The following RANBP2 variants were observed in gnomAD, a reference collection of about 807,000 sequenced individuals.
The protein encoded by RANBP2 is RAN binding protein 2, also known as E3 SUMO-protein ligase RanBP2.
In RANBP2, 57 loss-of-function variants were observed where a neutral mutation model predicts 303.6. That is an observed-to-expected ratio of 0.19 (90% confidence interval 0.15 to 0.23). RANBP2 has a LOEUF of 0.23. RANBP2 is among the 10% of genes least tolerant of loss of function. The probability of loss-of-function intolerance (pLI) is 1.00; values close to 1 mark genes in which losing one functional copy is unlikely to be tolerated. For missense variants in RANBP2, 3,138 were observed against 3,780.8 expected, an observed-to-expected ratio of 0.83 and a Z score of 4.46; for synonymous variants, 1,167 against 1,301.5, an observed-to-expected ratio of 0.90 and a Z score of 2.23.
intron 4 of RANBP2, among the ~76,000 whole-genome samples, chr2:108,733,058 A>G (rs1372511353): frequency 1.3e-5 from 2 of 152,070 alleles, no homozygotes; most frequent in Non-Finnish European, 2.9e-5. Context: ...TCCTGACCTC[A>G]TGTGATCTGC....
At chr2:109,613,853 C>T in the RANBP2 span, 2 of 1,235,254 alleles carry the variant, frequency 1.6e-6, no homozygotes, top group Non-Finnish European at 2.0e-6. Flanking sequence ...CACGGTGAAG[C>T]GGCTGTATCA....
intron 25 of RANBP2, among the ~76,000 whole-genome samples, chr2:108,780,175 C>G (rs940181867): frequency 2.2e-4 from 31 of 140,514 alleles, no homozygotes; most frequent in African/African-American, 7.7e-4. Context: ...AATTTACTAG[C>G]TTTTTTTTTT....
At chr2:109,711,162 G>T in the RANBP2 span, among the ~76,000 whole-genome samples, 3 of 152,088 alleles carry the variant, frequency 2.0e-5, no homozygotes, top group Non-Finnish European at 4.4e-5. Flanking sequence ...ACATGGCCAA[G>T]TGAGAACTTC....
At chr2:109,173,220 T>C in the RANBP2 span, among the ~76,000 whole-genome samples, 1 of 152,202 alleles carries the variant, frequency 6.6e-6, no homozygotes, top group African/African-American at 2.4e-5. Flanking sequence ...TAGAATTCTG[T>C]AATTATCAAG....
At chr2:109,579,825 A>G in the RANBP2 span, among the ~76,000 whole-genome samples, 1 of 152,092 alleles carries the variant, frequency 6.6e-6, no homozygotes, top group African/African-American at 2.4e-5. Flanking sequence ...TTTAAAATAA[A>G]TAAATAAATA....
the RANBP2 span, among the ~76,000 whole-genome samples, chr2:109,105,150 A>C: frequency 3.9e-5 from 6 of 152,184 alleles, no homozygotes; most frequent in African/African-American, 1.4e-4. Flanking sequence ...GATAGAAAAC[A>C]CCTGAAGCTG....
the RANBP2 span, among the ~76,000 whole-genome samples, chr2:109,649,505 C>T: frequency 6.6e-6 from 1 of 152,050 alleles, no homozygotes; most frequent in East Asian, 1.9e-4. Flanking sequence ...TCAAGCGATT[C>T]TCCTGCCTCA....
the RANBP2 span, among the ~76,000 whole-genome samples, chr2:109,692,710 C>T: frequency 4.6e-5 from 7 of 152,204 alleles, no homozygotes; most frequent in Non-Finnish European, 2.9e-5. Context: ...AGCTAAGTGG[C>T]TGCCTGCATA....
At chr2:109,434,686 A>G in the RANBP2 span, among the ~76,000 whole-genome samples, 1 of 152,188 alleles carries the variant, frequency 6.6e-6, no homozygotes, top group African/African-American at 2.4e-5. Context: ...GTCGGGATGG[A>G]CAGCTCTGCC....
At chr2:109,610,169 A>C in the RANBP2 span, among the ~76,000 whole-genome samples, 4 of 151,552 alleles carry the variant, frequency 2.6e-5, no homozygotes, top group African/African-American at 9.7e-5. Context: ...GCTTACTGCA[A>C]CCTCCACCTC....
At chr2:109,565,790 G>A in the RANBP2 span, 54 of 1,613,900 alleles carry the variant, frequency 3.3e-5, no homozygotes, top group South Asian at 9.9e-5. Context: ...GGGTACTGGC[G>A]AGCTTTGACC....
the RANBP2 span, among the ~76,000 whole-genome samples, chr2:109,378,173 C>T: frequency 1.6e-4 from 24 of 152,232 alleles, no homozygotes; most frequent in Non-Finnish European, 2.9e-4. Flanking sequence ...CTCCGCAGCA[C>T]CTCCAGACCT....
At chr2:109,432,587 G>C in the RANBP2 span, 1 of 1,613,634 alleles carries the variant, frequency 6.2e-7, no homozygotes, top group Non-Finnish European at 8.5e-7. Flanking sequence ...CTCGAGAAGT[G>C]TCAGGATGGC....
chr2:109,396,852 C>T, the RANBP2 span, among the ~76,000 whole-genome samples: 10 of 152,226 alleles, frequency 6.6e-5, no homozygotes, highest in East Asian at 1.9e-4. Context: ...ACTTCCATAG[C>T]GGCTCACATG....
chr2:108,763,578 A>T lies in RANBP2; in HGVS notation c.3039A>T (p.Glu1013Asp), dbSNP rs200609063. ...KTNFVQPMPG[E>D]GLRPSLPTQA... ...ATTTTGTTCAGCCCATGCCGGGTGAAGGATTAAGGCCATCTTTGCCAACAC... is the reference window on the plus strand; with the variant it reads ...ATTTTGTTCAGCCCATGCCGGGTGATGGATTAAGGCCATCTTTGCCAACAC... Residue 1013 changes from glutamate (E) to aspartate (D), a missense_variant, in exon 20 of 29, where the codon GAA (glutamate) becomes GAT (aspartate). By Grantham distance (45) the Glu-to-Asp change is conservative. This residue lies in a region of RANBP2 where 403 missense variants were observed against 376.7 expected (regional missense o/e 1.07). Coordinates refer to ENST00000283195, the MANE Select transcript of RANBP2 (RefSeq NM_006267.5). 1 of 1,614,172 alleles carries T rather than the reference A, an allele frequency of 6.2e-7. No individual in the cohort carries two copies. Among genetic ancestry groups the T allele is most frequent in the African/African-American group, 1.3e-5 (1 of 75,048 alleles).
chr2:109,424,515 A>G, the RANBP2 span, among the ~76,000 whole-genome samples: 1 of 152,218 alleles, frequency 6.6e-6, no homozygotes. Flanking sequence ...GCAACCCAGC[A>G]TCCACCAAGT....
At chr2:108,942,092 TG>T in the RANBP2 span, among the ~76,000 whole-genome samples, 1 of 152,204 alleles carries the variant, frequency 6.6e-6, no homozygotes, top group Admixed American at 6.5e-5. Flanking sequence ...CCTGCAGGTG[TG>T]TGTGCTGGGG....
At chr2:109,543,718 A>G in the RANBP2 span, 1 of 156,882 alleles carries the variant, frequency 6.4e-6, no homozygotes, top group Non-Finnish European at 1.4e-5. Flanking sequence ...ATAGCTTGGT[A>G]GCAAGAGAAA....
At chr2:109,573,370 CTTGTTT>C in the RANBP2 span, among the ~76,000 whole-genome samples, 1 of 152,212 alleles carries the variant, frequency 6.6e-6, no homozygotes, top group Admixed American at 6.5e-5. Context: ...ACTGCACACT[CTTGTTT>C]TTATGTTCCT....
Sources: allele counts gnomAD v4.1 joint callset (sites outside exome capture counted in the v4.1 genomes callset), GRCh38; gene constraint gnomAD v4.1.1; regional missense constraint gnomAD v4.1.1; transcripts MANE v1.5; gene names NCBI Gene and HGNC (gene_info 2026-07-23, HGNC 2026-07-21).